Variants in RAPGEF1 observed in about 807,000 individuals in gnomAD.
RAPGEF1 encodes Rap guanine nucleotide exchange factor 1, also known as CRK SH3-binding GNRP.
In RAPGEF1, 33 loss-of-function variants were observed where a neutral mutation model predicts 143.3. That is an observed-to-expected ratio of 0.23 (90% confidence interval 0.17 to 0.31). The LOEUF is 0.31. Among genes scored for constraint, RAPGEF1 ranks in the 10% least tolerant of loss-of-function variants. RAPGEF1 has a pLI of 1.00. For missense variants in RAPGEF1, 1,199 were observed against 1,645.4 expected, an observed-to-expected ratio of 0.73 and a Z score of 4.69; for synonymous variants, 629 against 676.5, an observed-to-expected ratio of 0.93 and a Z score of 1.09.
At chr9:131,723,770 C>T (rs1449699267) in intron 1 of RAPGEF1, among the ~76,000 whole-genome samples, 1 of 152,190 alleles carries the variant, frequency 6.6e-6, no homozygotes, top group Non-Finnish European at 1.5e-5. Flanking sequence ...TCCCTGCTTT[C>T]CCTTCTTTTG....
rs371503343 is a variant in RAPGEF1 at position 131,628,028 on chromosome 9, C to T, written c.1086G>A (p.Ser362=). Reference sequence around the variant, plus strand: ...TGCTGCTGCAGGGGGAGAGGCGGGGCGACTCTCCACCATATGAGTGGCTGC... The same window carrying T: ...TGCTGCTGCAGGGGGAGAGGCGGGGTGACTCTCCACCATATGAGTGGCTGC... ...SGGSHSYGGE[S]PRLSPCSSIG... The change falls in exon 9 of 27, where the codon TCG becomes TCA. Residue 362 remains serine (S), a synonymous_variant. Coordinates refer to ENST00000683357, the MANE Select transcript of RAPGEF1 (RefSeq NM_001377935.1). The surrounding 1 kb of genome is among the most constrained non-coding windows in gnomAD (Gnocchi z 5.7). 645 of 1,561,162 alleles carry T rather than the reference C, an allele frequency of 4.1e-4. 1 individual carries two copies. Among genetic ancestry groups the T allele is most frequent in the Non-Finnish European group, 5.3e-4 (613 of 1,154,414 alleles).
At chr9:131,590,121 C>A (rs201421559) in intron 18 of RAPGEF1, 143 bp from the exon 19 acceptor site, 1 of 714,790 alleles carries the variant, frequency 1.4e-6, no homozygotes, top group African/African-American at 1.7e-5. Flanking sequence ...AACGAGGGCA[C>A]GGGACTAGCG....
At chr9:131,581,079 T>C (rs1298289105) in intron 25 of RAPGEF1, among the ~76,000 whole-genome samples, 1 of 151,528 alleles carries the variant, frequency 6.6e-6, no homozygotes, top group African/African-American at 2.4e-5. Context: ...GAGGCGGAGG[T>C]TGCAGTGAGC....
intron 12 of RAPGEF1, among the ~76,000 whole-genome samples, chr9:131,616,750 G>A (rs1959072896): frequency 6.6e-6 from 1 of 152,220 alleles, no homozygotes; most frequent in Admixed American, 6.5e-5. Context: ...AATGAAGAAA[G>A]TCAGGAATAA....
chr9:131,664,066 A>T (rs923621971), intron 1 of RAPGEF1, among the ~76,000 whole-genome samples: 2 of 152,168 alleles, frequency 1.3e-5, no homozygotes, highest in African/African-American at 4.8e-5. Context: ...AGTGTGTTAT[A>T]ATCCATTATA....
intron 5 of RAPGEF1, among the ~76,000 whole-genome samples, chr9:131,635,817 C>A (rs538943399): frequency 6.6e-6 from 1 of 152,286 alleles, no homozygotes; most frequent in South Asian, 2.1e-4. Context: ...AGTCTCCACA[C>A]CTGTGAAAGG....
At chr9:131,738,103 C>A (rs902199608) in intron 1 of RAPGEF1, among the ~76,000 whole-genome samples, 1 of 152,130 alleles carries the variant, frequency 6.6e-6, no homozygotes. Flanking sequence ...GCGTGAGCCA[C>A]TGTACCTGGC....
At chr9:131,696,751 G>A (rs901238179) in intron 1 of RAPGEF1, among the ~76,000 whole-genome samples, 2 of 152,188 alleles carry the variant, frequency 1.3e-5, no homozygotes, top group African/African-American at 4.8e-5. Context: ...GTGAATGAAT[G>A]ACTAAATGGA....
Position 131,662,339 on chromosome 9 carries a change from A to G in RAPGEF1, c.62-11390T>C, listed in dbSNP as rs374438462. ...GCAAAACCACTTGAAAGACTTGCCT[A>G]TATGTTGTCTACAGTTCCTTTCCTC... On this transcript the variant is annotated intron_variant, in intron 1 of 26. Coordinates refer to ENST00000683357, the MANE Select transcript of RAPGEF1 (RefSeq NM_001377935.1). 3.3e-5 allele frequency among the ~76,000 whole-genome samples: 5 copies of G among 152,226 alleles called. No individual in the cohort carries two copies. The East Asian group carries it at 5.8e-4, about 18-fold the overall frequency.
Position 131,628,175 on chromosome 9 carries a change from A to C in RAPGEF1, c.1018-79T>G. The C allele has an allele frequency of 7.6e-7, 1 of 1,307,366 alleles. No homozygotes were observed. The highest frequency in any genetic ancestry group is 1.0e-6 in the Non-Finnish European group (1 of 979,500). 81.0% of individuals were successfully genotyped at this position (1,307,366 alleles called of 1,614,324 possible). A position where few individuals can be genotyped will look rare whatever the true frequency, so the allele number is the denominator to read the frequency against. ...AGACCAGGGGTGAGGCAACCGGTGC[A>C]TTTACTTAGAGAAGGAAATACTGCC... On this transcript the variant is annotated intron_variant, in intron 8 of 26. Coordinates refer to ENST00000683357, the MANE Select transcript of RAPGEF1 (RefSeq NM_001377935.1). This position sits in a 1 kb window ranked among gnomAD's most constrained non-coding sequence, Gnocchi z 5.7.
Position 131,714,054 on chromosome 9 carries a change from TTTTTTTTTTTA to T in RAPGEF1, c.61+25705_61+25715del, listed in dbSNP as rs1835690944. ...ACAAACATCTGTACCTCAGGAATAATTTTTTTTTTTAAGAGACAGGGTCTCCCTATATTGCC... is the reference window on the plus strand; with the variant it reads ...ACAAACATCTGTACCTCAGGAATAATAGAGACAGGGTCTCCCTATATTGCC... On this transcript the variant is annotated intron_variant, in intron 1 of 26. Coordinates refer to ENST00000683357, the MANE Select transcript of RAPGEF1 (RefSeq NM_001377935.1). Among the ~76,000 whole-genome samples, 5 of 146,488 alleles carry T rather than the reference TTTTTTTTTTTA, an allele frequency of 3.4e-5. No homozygotes were observed. The South Asian group carries it at 1.1e-3, about 32-fold the overall frequency.
chr9:131,587,490 G>A (rs1030219050), intron 22 of RAPGEF1, among the ~76,000 whole-genome samples: 11 of 152,180 alleles, frequency 7.2e-5, no homozygotes, highest in African/African-American at 2.2e-4. Flanking sequence ...GGCAGACATC[G>A]CTCCTCGACC....
intron 17 of RAPGEF1, among the ~76,000 whole-genome samples, chr9:131,595,665 A>G (rs1229322090): frequency 1.4e-5 from 2 of 145,186 alleles, no homozygotes; most frequent in Non-Finnish European, 3.0e-5. Context: ...GGTCACTAGC[A>G]CCTCCTTTCC....
Position 131,652,366 on chromosome 9 carries a change from CAGCCTCTCG to C in RAPGEF1, c.62-1426_62-1418del, listed in dbSNP as rs571842228. On this transcript the variant is annotated intron_variant, in intron 1 of 26. Transcript: ENST00000683357. ...CCTGGGCTCAGACATCTTCCTGCCT[CAGCCTCTCG>C]AGTGGCTAGGACTATAGGCAAGTGC... Among the ~76,000 whole-genome samples, 149 of 152,286 alleles carry C rather than the reference CAGCCTCTCG, an allele frequency of 9.8e-4. 1 individual carries two copies. Among genetic ancestry groups the C allele is most frequent in the African/African-American group, 3.4e-3 (143 of 41,550 alleles).
At chr9:131,716,839 G>A (rs372388586) in intron 1 of RAPGEF1, among the ~76,000 whole-genome samples, 5 of 152,180 alleles carry the variant, frequency 3.3e-5, no homozygotes, top group South Asian at 2.1e-4. Context: ...TCCTAAGTAC[G>A]TGGATTGGCA....
intron 3 of RAPGEF1, among the ~76,000 whole-genome samples, chr9:131,648,392 AAAAC>A (rs546265254): frequency 5.9e-5 from 9 of 152,166 alleles, no homozygotes; most frequent in South Asian, 2.1e-4. Context: ...CTCTTATCTC[AAAAC>A]AAACAAACAA....
intron 1 of RAPGEF1, among the ~76,000 whole-genome samples, chr9:131,724,083 C>T (rs896101490): frequency 6.6e-6 from 1 of 152,194 alleles, no homozygotes; most frequent in African/African-American, 2.4e-5. Flanking sequence ...GTGAAAAACA[C>T]AGGTTTCATA....
chr9:131,714,887 T>A (rs1292711659), intron 1 of RAPGEF1, among the ~76,000 whole-genome samples: 1 of 152,080 alleles, frequency 6.6e-6, no homozygotes, highest in East Asian at 1.9e-4. Flanking sequence ...AGTAAAATTA[T>A]TTTTTGTAGA....
rs1564448495 is a variant in RAPGEF1, at chr9:131,584,606, C to T, written c.3234-10G>A. 3 of 1,613,750 alleles carry T rather than the reference C, an allele frequency of 1.9e-6. No individual in the cohort carries two copies. Among genetic ancestry groups the T allele is most frequent in the South Asian group, 2.2e-5 (2 of 91,074 alleles). ...GATTATGGACCGGACCCTGCATGGA[C>T]CAAGGGAAAAAGAAACAGCTGAGTT... On this transcript the variant is annotated splice_polypyrimidine_tract_variant and intron_variant, in intron 22 of 26. Transcript: ENST00000683357. This position sits in a 1 kb window ranked among gnomAD's most constrained non-coding sequence, Gnocchi z 6.8.
Sources: gnomAD v4.1 joint callset for allele counts (sites outside exome capture counted in the v4.1 genomes callset) on GRCh38, gnomAD v4.1.1 for gene constraint, Gnocchi (gnomAD v3.1) non-coding constraint, MANE v1.5 for transcripts, NCBI Gene and HGNC (gene_info 2026-07-23, HGNC 2026-07-21) for gene names.